Variants in TCOF1 observed in about 807,000 individuals in gnomAD.
TCOF1 encodes the protein treacle ribosome biogenesis factor 1.
Under a neutral mutation model 149.0 loss-of-function variants are expected in TCOF1, and 33 were observed. The observed-to-expected ratio is 0.22, with a 90% CI of 0.17 to 0.30. The LOEUF (loss-of-function observed/expected upper bound fraction) is 0.30, where lower values mean the gene tolerates loss of function less well. Ranked by LOEUF, TCOF1 falls within the 10% of genes least tolerant of loss-of-function variation. The pLI is 1.00. For missense variants in TCOF1, 1,728 were observed against 1,840.7 expected, an observed-to-expected ratio of 0.94 and a Z score of 1.12; for synonymous variants, 789 against 738.8, an observed-to-expected ratio of 1.07 and a Z score of -1.10.
intron 17 of TCOF1, among the ~76,000 whole-genome samples, chr5:150,381,933 C>T (rs1765294561): frequency 6.6e-6 from 1 of 152,208 alleles, no homozygotes; most frequent in African/African-American, 2.4e-5. Flanking sequence ...CGGTGGCTCA[C>T]ACCTGTAATC....
In TCOF1 at chr5:150,391,570, C is replaced by T; in HGVS notation, c.3210C>T (p.Leu1070=). The T allele has an allele frequency of 6.2e-7, 1 of 1,614,184 alleles. No individual in the cohort carries two copies. The change falls in exon 20 of 27, where the codon CTC becomes CTT. Residue 1070 remains leucine, a synonymous_variant. Transcript: ENST00000643257. ...TQVSKKNPAS[L]PLTQAALKVL... The stretch of plus-strand genomic sequence containing the variant: ...TGTCAAAGAAGAACCCAGCTTCCCT[C>T]CCACTGACCCAGGCTGCCCTGAAGG...
At chr5:150,367,379 C>T (rs994910344) in intron 3 of TCOF1, among the ~76,000 whole-genome samples, 5 of 152,190 alleles carry the variant, frequency 3.3e-5, no homozygotes, top group African/African-American at 1.2e-4. Flanking sequence ...TCAGCCACCT[C>T]TCCACTAAGA....
At chr5:150,368,966 C>T in intron 5 of TCOF1, 64 bp downstream of exon 5, 10 of 1,590,706 alleles carry the variant, frequency 6.3e-6, no homozygotes, top group Non-Finnish European at 8.6e-6. Flanking sequence ...CAGGCCTAGG[C>T]ATTGCTTTAA....
At chr5:150,363,040 C>T (rs1158899820) in intron 2 of TCOF1, among the ~76,000 whole-genome samples, 2 of 152,160 alleles carry the variant, frequency 1.3e-5, no homozygotes, top group East Asian at 3.8e-4. Context: ...GCAATTATCT[C>T]ATTGCATTGT....
chr5:150,377,677 G>A (rs559728961), intron 14 of TCOF1, among the ~76,000 whole-genome samples: 1 of 152,080 alleles, frequency 6.6e-6, no homozygotes, highest in Non-Finnish European at 1.5e-5. Flanking sequence ...AGCTCTGCAG[G>A]GGCCCCTTCC....
At chr5:150,371,841 A>G (rs951627789) in intron 6 of TCOF1, among the ~76,000 whole-genome samples, 165 bp from the exon 7 acceptor site, 1 of 152,186 alleles carries the variant, frequency 6.6e-6, no homozygotes, top group Non-Finnish European at 1.5e-5. Context: ...AGCCTTGTGT[A>G]CTTTTCTGGA....
rs141095369 is a variant in TCOF1 at position 150,392,152 on chromosome 5, G to C, written c.3493G>C (p.Gly1165Arg). Residue 1165 changes from glycine (G) to arginine (R), a missense_variant, in exon 21 of 27, where the codon GGG becomes CGG. Coordinates refer to ENST00000643257, the MANE Select transcript of TCOF1 (RefSeq NM_001371623.1). ...GSEEDGEGPQ[G>R]AKSAHTLVGP... ...TGAGGAAGATGGTGAAGGGCCCCAGGGGGCCAAGTCAGCCCACACGCTGGG... is the reference window on the plus strand; with the variant it reads ...TGAGGAAGATGGTGAAGGGCCCCAGCGGGCCAAGTCAGCCCACACGCTGGG... 6.6e-5 allele frequency: 107 copies of C among 1,614,186 alleles called. No individual in the cohort carries two copies. The Admixed American group carries it at 1.2e-3, about 19-fold the overall frequency.
chr5:150,379,308 C>A lies in TCOF1; in HGVS notation c.2558C>A (p.Ala853Asp). The change falls in exon 16 of 27, where the codon GCC (alanine) becomes GAC (aspartate). Residue 853 changes from alanine to aspartate, a missense_variant. By Grantham distance (126) the Ala-to-Asp change is moderately radical. Around this residue, in one of 2 missense-constraint regions of TCOF1, gnomAD observed 1,696 missense variants for 1,765.4 expected, o/e 0.96. Coordinates refer to ENST00000643257, the MANE Select transcript of TCOF1 (RefSeq NM_001371623.1). The part of the protein sequence containing the change: ...GPASVPSVGK[A>D]VATAAQAQTG... ...GCATCTGTGCCATCTGTGGGGAAGG[C>A]CGTGGCTACAGCAGCTCAGGCCCAG... 1 of 1,614,226 alleles carries A rather than the reference C, an allele frequency of 6.2e-7. No individual in the cohort carries two copies. The highest frequency in any genetic ancestry group is 8.5e-7 in the Non-Finnish European group (1 of 1,180,048).
At chr5:150,385,604 C>T (rs2569058) in intron 17 of TCOF1, among the ~76,000 whole-genome samples, 13 of 152,306 alleles carry the variant, frequency 8.5e-5, no homozygotes, top group Admixed American at 4.6e-4. Flanking sequence ...GGTCATGTCC[C>T]TTGCCAGGGT....
rs558700013 is a variant in TCOF1, at chr5:150,393,397, C to T, written c.3629C>T (p.Pro1210Leu). Residue 1210 changes from proline to leucine, a missense_variant, in exon 23 of 27, where the codon CCT becomes CTT. Physicochemically the swap from Pro to Leu is moderately conservative, Grantham distance 98. Around this residue, in one of 2 missense-constraint regions of TCOF1, gnomAD observed 1,696 missense variants for 1,765.4 expected, o/e 0.96. Transcript: ENST00000643257. ...SQSLLSGYMT[P>L]GLTPANSQAS... ...TCTCTCCTCTCAGGTTATATGACCC[C>T]TGGACTAACCCCAGCCAATTCCCAG... is the stretch of plus-strand genomic sequence containing the variant. 1 of 1,614,138 alleles carries T rather than the reference C, an allele frequency of 6.2e-7. No homozygotes were observed. The highest frequency in any genetic ancestry group is 1.7e-5 in the Admixed American group (1 of 60,016).
At position 150,379,385 on chromosome 5, in the gene TCOF1, G is replaced by A. The variant is rs1405440628; in HGVS notation, c.2635G>A (p.Glu879Lys). ...GSSEEESDSE[E>K]EAETLAQVKP... ...CAGTGAGGAGGAGTCAGACAGTGAG[G>A]AGGAGGCGGAGACGCTGGCTCAGGT... The change falls in exon 16 of 27, where the codon GAG becomes AAG. Residue 879 changes from glutamate (E) to lysine (K), a missense_variant. This residue lies in a region of TCOF1 where 1,696 missense variants were observed against 1,765.4 expected (regional missense o/e 0.96). Coordinates refer to ENST00000643257, the MANE Select transcript of TCOF1 (RefSeq NM_001371623.1). 3 of 1,614,154 alleles carry A rather than the reference G, an allele frequency of 1.9e-6. No individual in the cohort carries two copies. Among genetic ancestry groups the A allele is most frequent in the Admixed American group, 1.7e-5 (1 of 60,032 alleles).
chr5:150,374,424 C>G (rs745439443), intron 8 of TCOF1, 38 bp downstream of exon 8: 7 of 1,550,550 alleles, frequency 4.5e-6, no homozygotes, highest in East Asian at 2.4e-5. Context: ...CAGCCAGGCC[C>G]GTCCCCAGAA....
At chr5:150,379,472 C>T in intron 16 of TCOF1, 60 bp from the exon 17 acceptor site, 5 of 1,614,088 alleles carry the variant, frequency 3.1e-6, no homozygotes, top group Non-Finnish European at 4.2e-6. Flanking sequence ...ACATCCAGCT[C>T]CTGTCTTCTC....
chr5:150,370,390 G>T (rs1351933273), intron 6 of TCOF1, among the ~76,000 whole-genome samples: 1 of 152,196 alleles, frequency 6.6e-6, no homozygotes, highest in African/African-American at 2.4e-5. Context: ...CAGTCTCACT[G>T]TGTCACCCAA....
In TCOF1 at chr5:150,390,002, A is replaced by G; in HGVS notation, c.3162A>G (p.Lys1054=). Residue 1054 remains lysine, a synonymous_variant, in exon 19 of 27, where the codon AAA becomes AAG. Coordinates refer to ENST00000643257, the MANE Select transcript of TCOF1 (RefSeq NM_001371623.1). ...CCAGTCGGATATCAGATGGCAAGAA[A>G]CAGGAGGGACCAGCCACTCAGGTAC... ...KESSRISDGK[K]QEGPATQVSK... The G allele has an allele frequency of 6.2e-7, 1 of 1,611,576 alleles. No homozygotes were observed. Among genetic ancestry groups the G allele is most frequent in the Non-Finnish European group, 8.5e-7 (1 of 1,179,104 alleles).
rs1767446045 is a variant in TCOF1, at chr5:150,391,538, C to T, written c.3184-6C>T. ...GAGTCTGAGGGCTACCTCTTGCCAC[C>T]CACAGGTGTCAAAGAAGAACCCAGC... On this transcript the variant is annotated splice_region_variant and splice_polypyrimidine_tract_variant and intron_variant, in intron 19 of 26. Transcript: ENST00000643257. 6.2e-7 allele frequency: 1 copy of T among 1,613,016 alleles called. No homozygotes were observed. Among genetic ancestry groups the T allele is most frequent in the African/African-American group, 1.3e-5 (1 of 74,916 alleles).
intron 19 of TCOF1, among the ~76,000 whole-genome samples, chr5:150,390,450 A>G (rs1360541165): frequency 6.6e-6 from 1 of 152,170 alleles, no homozygotes; most frequent in Non-Finnish European, 1.5e-5. Context: ...TGGGCATTTT[A>G]GGGTTAATGG....
intron 17 of TCOF1, among the ~76,000 whole-genome samples, chr5:150,385,726 C>T (rs1766143126): frequency 6.6e-6 from 1 of 152,130 alleles, no homozygotes; most frequent in Non-Finnish European, 1.5e-5. Flanking sequence ...TCCAGAAAGC[C>T]CCTAGGTTTG....
chr5:150,369,171 C>T (rs1386352882), intron 5 of TCOF1, among the ~76,000 whole-genome samples: 8 of 152,216 alleles, frequency 5.3e-5, no homozygotes, highest in Non-Finnish European at 1.2e-4. Context: ...ACTGGCAGCT[C>T]AGAGACTAAA....
Sources: gnomAD v4.1 joint callset for allele counts (sites outside exome capture counted in the v4.1 genomes callset) on GRCh38, gnomAD v4.1.1 for gene constraint, gnomAD v4.1.1 regional missense constraint, MANE v1.5 for transcripts, NCBI Gene and HGNC (gene_info 2026-07-23, HGNC 2026-07-21) for gene names.